Variants in FAM151B observed in about 807,000 individuals in gnomAD.
The protein encoded by FAM151B is family with sequence similarity 151 member B.
In FAM151B, 24 loss-of-function variants were observed where a neutral mutation model predicts 31.2. That is an observed-to-expected ratio of 0.77 (90% CI 0.56 to 1.08). The LOEUF (loss-of-function observed/expected upper bound fraction) is 1.08, where lower values mean the gene tolerates loss of function less well. FAM151B is among the 50% of genes least tolerant of loss of function. FAM151B has a pLI of 0.00. For missense variants in FAM151B, 293 were observed against 328.6 expected (o/e 0.89, Z 0.84); for synonymous variants, 105 against 111.4 (o/e 0.94, Z 0.36).
intron 2 of FAM151B, among the ~76,000 whole-genome samples, chr5:80,507,541 C>T (rs1744015080): frequency 1.3e-5 from 2 of 151,956 alleles, no homozygotes; most frequent in Admixed American, 6.6e-5. Context: ...ATTAGCTGGG[C>T]ATGGTGGTGC....
chr5:80,500,542 G>T (rs2061752296), intron 1 of FAM151B: 1 of 756,012 alleles, frequency 1.3e-6, no homozygotes, highest in Non-Finnish European at 2.4e-6. Context: ...AATTTTGAAT[G>T]GCAAGGATGG....
chr5:80,493,174 C>T (rs555306725), intron 1 of FAM151B, among the ~76,000 whole-genome samples: 52 of 152,148 alleles, frequency 3.4e-4, no homozygotes, highest in Middle Eastern at 3.4e-3. Context: ...TCAGGGACCC[C>T]GAATGAAGGG....
chr5:80,541,137 A>T (rs1458720092), intron 5 of FAM151B, among the ~76,000 whole-genome samples: 1 of 152,206 alleles, frequency 6.6e-6, no homozygotes, highest in African/African-American at 2.4e-5. Context: ...TCAGAAAAAG[A>T]TCTAAATGTA....
chr5:80,515,473 C>CT (rs1004376248), intron 3 of FAM151B, among the ~76,000 whole-genome samples: 1 of 152,090 alleles, frequency 6.6e-6, no homozygotes, highest in African/African-American at 2.4e-5. Flanking sequence ...TGCTTGATGG[C>CT]TTAAACTTTT....
At chr5:80,509,340 A>C (rs1165201022) in intron 2 of FAM151B, among the ~76,000 whole-genome samples, 4 of 152,076 alleles carry the variant, frequency 2.6e-5, no homozygotes, top group Non-Finnish European at 5.9e-5. Context: ...TGAGGGGTCC[A>C]CCTTCATGGG....
intron 3 of FAM151B, among the ~76,000 whole-genome samples, chr5:80,517,029 C>T (rs1744478011): frequency 6.6e-6 from 1 of 152,190 alleles, no homozygotes; most frequent in Non-Finnish European, 1.5e-5. Flanking sequence ...TTCCCTTCGT[C>T]CAGCGTATCC....
chr5:80,500,085 C>T (rs1370739484), intron 1 of FAM151B: 1 of 244,448 alleles, frequency 4.1e-6, no homozygotes, highest in Non-Finnish European at 7.9e-6. Flanking sequence ...AGAATGAGAA[C>T]TTACCATTTT....
intron 1 of FAM151B, 77 bp from the exon 2 acceptor site, chr5:80,501,707 CTTAAATAT>C: frequency 1.1e-6 from 1 of 915,736 alleles, no homozygotes; most frequent in East Asian, 2.7e-5. Flanking sequence ...ATATGTGTAT[CTTAAATAT>C]ACACAATGAA....
chr5:80,541,533 A>T, intron 5 of FAM151B, 140 bp from the exon 6 acceptor site: 1 of 738,494 alleles, frequency 1.4e-6, no homozygotes, highest in Non-Finnish European at 2.3e-6. Flanking sequence ...ATATGAAAGT[A>T]CAGTTACACC....
At chr5:80,513,819 C>A in intron 3 of FAM151B, 50 bp downstream of exon 3, 1 of 1,507,812 alleles carries the variant, frequency 6.6e-7, no homozygotes, top group Non-Finnish European at 9.0e-7. Context: ...AATAGCTGTG[C>A]CTGACTACCT....
chr5:80,499,037 G>T, intron 1 of FAM151B: 1 of 170,284 alleles, frequency 5.9e-6, no homozygotes, highest in Non-Finnish European at 1.3e-5. Flanking sequence ...AGTAGTTTTA[G>T]GTTTTTAACT....
At chr5:80,492,560 C>A (rs957885912) in intron 1 of FAM151B, among the ~76,000 whole-genome samples, 3 of 152,168 alleles carry the variant, frequency 2.0e-5, no homozygotes, top group African/African-American at 7.2e-5. Flanking sequence ...TTACTATTTC[C>A]TGAGACACAA....
At chr5:80,529,470 A>G (rs1327557709) in intron 5 of FAM151B, among the ~76,000 whole-genome samples, 1 of 152,208 alleles carries the variant, frequency 6.6e-6, no homozygotes, top group African/African-American at 2.4e-5. Flanking sequence ...GAAAAGATCA[A>G]CAAAATTGAT....
At chr5:80,523,748 A>C (rs558227149) in intron 5 of FAM151B, among the ~76,000 whole-genome samples, 57 of 152,298 alleles carry the variant, frequency 3.7e-4, no homozygotes, top group Non-Finnish European at 6.5e-4. Flanking sequence ...TTCCATTTGC[A>C]TGTGGGAAAA....
intron 2 of FAM151B, among the ~76,000 whole-genome samples, chr5:80,511,542 T>A (rs994837615): frequency 6.6e-6 from 1 of 151,690 alleles, no homozygotes; most frequent in Non-Finnish European, 1.5e-5. Context: ...CTGTCATCTA[T>A]CCCACTTTTT....
intron 1 of FAM151B, among the ~76,000 whole-genome samples, chr5:80,494,467 TC>T (rs869077711): frequency 2.1e-5 from 1 of 47,388 alleles, no homozygotes; most frequent in Non-Finnish European, 4.6e-5. Context: ...TTTCTTTCTT[TC>T]TTTCTTTCTT....
At chr5:80,488,612 C>A (rs927543754) in intron 1 of FAM151B, among the ~76,000 whole-genome samples, 1 of 152,214 alleles carries the variant, frequency 6.6e-6, no homozygotes, top group African/African-American at 2.4e-5. Flanking sequence ...GCTTGATTCC[C>A]CTTGGAATCA....
At chr5:80,498,407 C>A (rs1312342811) in intron 1 of FAM151B, 1 of 361,770 alleles carries the variant, frequency 2.8e-6, no homozygotes, top group Middle Eastern at 9.2e-4. Context: ...CTTTATATGC[C>A]CCTCCATTCT....
chr5:80,505,371 A>G (rs541115375), intron 2 of FAM151B, among the ~76,000 whole-genome samples: 2 of 151,284 alleles, frequency 1.3e-5, no homozygotes, highest in South Asian at 2.1e-4. Context: ...GAGAAGAGAG[A>G]CATAGCAAAC....
Sources: gnomAD v4.1 joint callset for allele counts (sites outside exome capture counted in the v4.1 genomes callset) on GRCh38, gnomAD v4.1.1 for gene constraint, MANE v1.5 for transcripts, NCBI Gene and HGNC (gene_info 2026-07-23, HGNC 2026-07-21) for gene names.